CRISPLD2: variants seen among roughly 807,000 people sequenced by gnomAD.
CRISPLD2 encodes the protein cysteine-rich secretory protein LCCL domain-containing 2.
A neutral mutation model predicts 71.1 loss-of-function variants in CRISPLD2; 47 were observed. That is an observed-to-expected ratio of 0.66 (90% CI 0.52 to 0.84). CRISPLD2 has a LOEUF of 0.84. CRISPLD2 is among the 40% of genes least tolerant of loss of function. The pLI is 0.00. For synonymous variants in CRISPLD2, 317 were observed against 250.1 expected (o/e 1.27, Z -2.52); for missense variants, 830 against 651.1 (o/e 1.27, Z -2.99).
At chr16:84,843,321 T>C (rs528319702) in intron 2 of CRISPLD2, among the ~76,000 whole-genome samples, 1 of 152,330 alleles carries the variant, frequency 6.6e-6, no homozygotes, top group South Asian at 2.1e-4. Flanking sequence ...GCAATGCAGA[T>C]TTGAGAAAGC....
rs996597271 is a variant in CRISPLD2 at position 84,838,038 on chromosome 16, G to C, written c.-74-384G>C. ...GTCCACGGAGCATCCTTTGGTGATG[G>C]GAAATGACTTTAGCAATCCCCTTGG... On this transcript the variant is annotated intron_variant, in intron 1 of 14. Transcript: ENST00000262424. Among the ~76,000 whole-genome samples the C allele has an allele frequency of 3.4e-4, 51 of 152,172 alleles. 1 individual carries two copies. The highest frequency in any genetic ancestry group is 1.2e-3 in the African/African-American group (50 of 41,436).
At chr16:84,848,829 A>G (rs983022607) in intron 3 of CRISPLD2, among the ~76,000 whole-genome samples, 1 of 152,090 alleles carries the variant, frequency 6.6e-6, no homozygotes, top group East Asian at 1.9e-4. Flanking sequence ...TTTTTCTCCA[A>G]CGTACCTGAA....
intron 5 of CRISPLD2, among the ~76,000 whole-genome samples, chr16:84,853,261 A>C (rs753521087): frequency 1.3e-5 from 2 of 152,138 alleles, no homozygotes; most frequent in Non-Finnish European, 2.9e-5. Flanking sequence ...ATCATCTGAG[A>C]AACCTACTGG....
chr16:84,840,564 T>C (rs1489444653), intron 2 of CRISPLD2, among the ~76,000 whole-genome samples: 1 of 152,190 alleles, frequency 6.6e-6, no homozygotes, highest in Non-Finnish European at 1.5e-5. Flanking sequence ...TGGGGTGCAA[T>C]GGTGCCATCT....
Position 84,845,912 on chromosome 16 carries a change from C to T in CRISPLD2, c.359+8C>T. 1.9e-6 allele frequency: 3 copies of T among 1,573,312 alleles called. No homozygotes were observed. The highest frequency in any genetic ancestry group is 2.2e-5 in the South Asian group (2 of 89,886). On this transcript the variant is annotated splice_region_variant and intron_variant, in intron 3 of 14. Coordinates refer to ENST00000262424, the MANE Select transcript of CRISPLD2 (RefSeq NM_031476.4). ...GGGCGCTCACTGGGGCAGGTAAGAG[C>T]CACAAGTTCCTCTCCGGCTGCCGCA...
chr16:84,826,117 C>T (rs1032345264), intron 1 of CRISPLD2, among the ~76,000 whole-genome samples: 1 of 152,194 alleles, frequency 6.6e-6, no homozygotes, highest in East Asian at 1.9e-4. Flanking sequence ...AGAAGGCTTG[C>T]CCTGGGGCCC....
At chr16:84,898,314 A>G (rs540919173) in intron 14 of CRISPLD2, among the ~76,000 whole-genome samples, 1 of 152,268 alleles carries the variant, frequency 6.6e-6, no homozygotes, top group Admixed American at 6.5e-5. Flanking sequence ...TTGTACTAAG[A>G]ATCAAATCCG....
intron 14 of CRISPLD2, among the ~76,000 whole-genome samples, chr16:84,902,047 C>G (rs1057461558): frequency 1.3e-4 from 19 of 151,730 alleles, no homozygotes; most frequent in Non-Finnish European, 2.6e-4. Context: ...GATCTGCCGG[C>G]CTCGACCTCT....
At chr16:84,841,627 G>C (rs1241026412) in intron 2 of CRISPLD2, among the ~76,000 whole-genome samples, 6 of 151,364 alleles carry the variant, frequency 4.0e-5, no homozygotes, top group Non-Finnish European at 8.8e-5. Flanking sequence ...ACAGAGTCTC[G>C]CTCTGTCCCC....
At chr16:84,888,190 C>T (rs1373499844) in intron 13 of CRISPLD2, among the ~76,000 whole-genome samples, 1 of 152,228 alleles carries the variant, frequency 6.6e-6, no homozygotes, top group Non-Finnish European at 1.5e-5. Context: ...TTTCCGGCTT[C>T]TAGAGGCCAC....
At chr16:84,827,487 A>G (rs985316146) in intron 1 of CRISPLD2, among the ~76,000 whole-genome samples, 5 of 150,578 alleles carry the variant, frequency 3.3e-5, no homozygotes, top group African/African-American at 4.9e-5. Flanking sequence ...GTCCTCGGTC[A>G]CGGTCACGCC....
At chr16:84,888,140 T>C (rs1396749318) in intron 13 of CRISPLD2, among the ~76,000 whole-genome samples, 1 of 152,228 alleles carries the variant, frequency 6.6e-6, no homozygotes, top group Non-Finnish European at 1.5e-5. Flanking sequence ...CAGGGCTGCT[T>C]CCTTCTAGAG....
intron 14 of CRISPLD2, among the ~76,000 whole-genome samples, chr16:84,895,300 A>G (rs1210818930): frequency 6.6e-6 from 1 of 152,158 alleles, no homozygotes; most frequent in African/African-American, 2.4e-5. Flanking sequence ...AGCACTCATG[A>G]CTTCCTCAGC....
intron 14 of CRISPLD2, among the ~76,000 whole-genome samples, chr16:84,891,758 G>T (rs1253090767): frequency 6.6e-6 from 1 of 152,192 alleles, no homozygotes; most frequent in Non-Finnish European, 1.5e-5. Flanking sequence ...CCATTGGTAG[G>T]CCCCTGGGGA....
intron 14 of CRISPLD2, among the ~76,000 whole-genome samples, chr16:84,895,880 T>A (rs2071701442): frequency 6.6e-6 from 1 of 152,110 alleles, no homozygotes; most frequent in African/African-American, 2.4e-5. Flanking sequence ...GTGGGCACTT[T>A]GAGGAACCCA....
At chr16:84,832,022 G>A (rs9673710) in intron 1 of CRISPLD2, among the ~76,000 whole-genome samples, 27,695 of 152,220 alleles carry the variant, frequency 0.18, 3,013 homozygotes, top group African/African-American at 0.31. Context: ...GGCGTGAGCC[G>A]CCATGTCCAG....
rs143938998 is a variant in CRISPLD2 at position 84,873,919 on chromosome 16, G to A, written c.1113-1G>A. On this transcript the variant is annotated splice_acceptor_variant, in intron 10 of 14. Transcript: ENST00000262424. LOFTEE classifies it high-confidence loss of function. ...TTTTTTTTTTTTTTTTTTTTAAACA[G>A]CAAATACAAACCTTCCAGCTCATTC... The A allele has an allele frequency of 1.9e-4, 279 of 1,457,506 alleles. No homozygotes were observed. The highest frequency in any genetic ancestry group is 2.5e-4 in the Non-Finnish European group (268 of 1,081,012). The allele number at this position is 1,457,506 out of a possible 1,614,324, so 90.3% of individuals were successfully genotyped here. A position where few individuals can be genotyped will look rare whatever the true frequency, so the allele number is the denominator to read the frequency against.
At chr16:84,820,954 G>GCTA (rs1377997262) in intron 1 of CRISPLD2, among the ~76,000 whole-genome samples, 5 of 152,218 alleles carry the variant, frequency 3.3e-5, no homozygotes, top group African/African-American at 4.8e-5. Flanking sequence ...AGCCTCCCTT[G>GCTA]CTAAGGCTGG....
intron 2 of CRISPLD2, 155 bp downstream of exon 2, chr16:84,838,890 T>TTTTG (rs764069388): frequency 9.9e-7 from 1 of 1,005,838 alleles, no homozygotes; most frequent in East Asian, 2.6e-5. Flanking sequence ...CTCTGTTCTG[T>TTTTG]TTTGTTTGTT....
Sources: gnomAD v4.1 joint callset for allele counts (sites outside exome capture counted in the v4.1 genomes callset) on GRCh38, gnomAD v4.1.1 for gene constraint, MANE v1.5 for transcripts, NCBI Gene and HGNC (gene_info 2026-07-23, HGNC 2026-07-21) for gene names.